EHHADH: variants seen among roughly 807,000 people sequenced by gnomAD.
EHHADH encodes peroxisomal bifunctional enzyme.
Under a neutral mutation model 64.4 loss-of-function variants are expected in EHHADH, and 48 were observed. That is an observed-to-expected ratio of 0.75 (90% CI 0.59 to 0.95). The LOEUF is 0.95. Among genes scored for constraint, EHHADH ranks in the 40% least tolerant of loss-of-function variants. The pLI is 0.00. For missense variants in EHHADH, 854 were observed against 876.6 expected, an observed-to-expected ratio of 0.97 and a Z score of 0.33; for synonymous variants, 308 against 326.7, an observed-to-expected ratio of 0.94 and a Z score of 0.62.
intron 5 of EHHADH, among the ~76,000 whole-genome samples, chr3:185,208,478 T>C (rs1276160580): frequency 6.6e-6 from 1 of 152,252 alleles, no homozygotes; most frequent in South Asian, 2.1e-4. Context: ...TCATTTGTTA[T>C]GCAGTTAGAC....
At chr3:185,228,257 A>AAATATATATATATATAT (rs1367786172) in intron 4 of EHHADH, among the ~76,000 whole-genome samples, 3 of 22,006 alleles carry the variant, frequency 1.4e-4, no homozygotes, top group African/African-American at 3.6e-4. Context: ...AAAAAAAAAA[A>AAATATATATATATATAT]ATATATATAT....
intron 5 of EHHADH, among the ~76,000 whole-genome samples, chr3:185,210,057 G>A (rs1236988409): frequency 6.6e-6 from 1 of 152,186 alleles, no homozygotes; most frequent in African/African-American, 2.4e-5. Context: ...GGACAATGGG[G>A]AGAGGAAGGA....
At position 185,192,748 on chromosome 3, in the gene EHHADH, G is replaced by T. The variant is rs1717935565; in HGVS notation, c.1650C>A (p.Ala550=). The change falls in exon 7 of 7, where the codon GCC becomes GCA. Residue 550 remains alanine (A), a synonymous_variant. Coordinates refer to ENST00000231887, the MANE Select transcript of EHHADH (RefSeq NM_001966.4). The part of the protein sequence containing the change: ...TGPTLLPGTP[A]RKRGNRRYCP... Reference sequence around the variant, plus strand: ...AGTACCTCCTATTACCCCTTTTTCGGGCAGGAGTTCCTGGAAGCAATGTAG... The same window carrying T: ...AGTACCTCCTATTACCCCTTTTTCGTGCAGGAGTTCCTGGAAGCAATGTAG... 3 of 1,613,524 alleles carry T rather than the reference G, an allele frequency of 1.9e-6. No homozygotes were observed. The highest frequency in any genetic ancestry group is 2.5e-6 in the Non-Finnish European group (3 of 1,179,918).
At chr3:185,217,095 G>A (rs981809405) in intron 5 of EHHADH, among the ~76,000 whole-genome samples, 5 of 152,080 alleles carry the variant, frequency 3.3e-5, no homozygotes, top group African/African-American at 9.7e-5. Flanking sequence ...ATGTGTGTCC[G>A]CTCCAAATCT....
Position 185,192,155 on chromosome 3 carries a change from G to C in EHHADH, c.*71C>G, listed in dbSNP as rs935897134. On this transcript the variant is annotated 3_prime_UTR_variant, in exon 7 of 7. Coordinates refer to ENST00000231887, the MANE Select transcript of EHHADH (RefSeq NM_001966.4). ...CAGAACAATCTTACTTTGGATTTTT[G>C]ATTTAATTTCACTGAAATTCAGTCA... 1.4e-6 allele frequency: 2 copies of C among 1,475,026 alleles called. No homozygotes were observed. The highest frequency in any genetic ancestry group is 1.8e-6 in the Non-Finnish European group (2 of 1,093,038). 91.4% of individuals were successfully genotyped at this position (1,475,026 alleles called of 1,614,324 possible). A position where few individuals can be genotyped will look rare whatever the true frequency, so the allele number is the denominator to read the frequency against.
chr3:185,214,160 G>GA (rs1333382860), intron 5 of EHHADH, among the ~76,000 whole-genome samples: 1 of 151,976 alleles, frequency 6.6e-6, no homozygotes, highest in Non-Finnish European at 1.5e-5. Flanking sequence ...ATTTAAAAAA[G>GA]AAAAAACAGT....
chr3:185,193,178 C>T lies in EHHADH; in HGVS notation c.1220G>A (p.Cys407Tyr), dbSNP rs771421278. The change falls in exon 7 of 7, where the codon TGC (cysteine) becomes TAC (tyrosine). Residue 407 changes from cysteine to tyrosine, a missense_variant. Physicochemically the swap from Cys to Tyr is radical, Grantham distance 194. Transcript: ENST00000231887. ...SAVCKPEAFL[C>Y]TNTSALDVDE... ...AACATCCAGGGCTGAAGTATTAGTG[C>T]ACAAAAATGCTTCTGGTTTGCACAC... 1.9e-6 allele frequency: 3 copies of T among 1,612,482 alleles called. No individual in the cohort carries two copies. Among genetic ancestry groups the T allele is most frequent in the Non-Finnish European group, 2.5e-6 (3 of 1,179,496 alleles).
At position 185,193,116 on chromosome 3, in the gene EHHADH, C is replaced by T. The variant is rs1717951591; in HGVS notation, c.1282G>A (p.Val428Ile). Residue 428 changes from valine to isoleucine, a missense_variant, in exon 7 of 7, where the codon GTC becomes ATC. Val to Ile is a conservative substitution (Grantham distance 29). Transcript: ENST00000231887. ...GGCGAAAAGAAGTGGGTGCCAATGACCAAGTGAGGACGATCAGTGGAAGAA... is the reference window on the plus strand; with the variant it reads ...GGCGAAAAGAAGTGGGTGCCAATGATCAAGTGAGGACGATCAGTGGAAGAA... The part of the protein sequence containing the change: ...IASSTDRPHL[V>I]IGTHFFSPAH... The T allele has an allele frequency of 6.2e-7, 1 of 1,613,516 alleles. No individual in the cohort carries two copies. The highest frequency in any genetic ancestry group is 8.5e-7 in the Non-Finnish European group (1 of 1,179,728).
intron 5 of EHHADH, among the ~76,000 whole-genome samples, chr3:185,208,760 T>C (rs745349383): frequency 6.6e-6 from 1 of 152,196 alleles, no homozygotes; most frequent in Non-Finnish European, 1.5e-5. Flanking sequence ...TAGCAAAATC[T>C]GGAAACAATC....
rs761400490 is a variant in EHHADH at position 185,190,793 on chromosome 3, C to T, written c.*1433G>A. 5.3e-5 allele frequency: 8 copies of T among 152,174 alleles called. No individual in the cohort carries two copies. The highest frequency in any genetic ancestry group is 8.8e-5 in the Non-Finnish European group (6 of 68,040). The allele number at this position is 152,174 out of a possible 1,614,324, so 9.4% of individuals were successfully genotyped here. On this transcript the variant is annotated 3_prime_UTR_variant, in exon 7 of 7. Coordinates refer to ENST00000231887, the MANE Select transcript of EHHADH (RefSeq NM_001966.4). ...GCTTTTTAACAACGGAAAACTTATA[C>T]TCCATTCAAGATTTTTCCATCAGAA...
intron 5 of EHHADH, among the ~76,000 whole-genome samples, chr3:185,207,226 G>A (rs1718420418): frequency 6.6e-6 from 1 of 151,812 alleles, no homozygotes; most frequent in South Asian, 2.1e-4. Context: ...AGAGGTTGCA[G>A]TGAGTGAGCC....
chr3:185,226,608 C>T (rs1718980983), intron 4 of EHHADH, among the ~76,000 whole-genome samples: 1 of 148,188 alleles, frequency 6.7e-6, no homozygotes, highest in African/African-American at 2.5e-5. Context: ...AAGATTGTGC[C>T]ACTGCACTCC....
At chr3:185,219,471 A>G (rs139379938) in intron 4 of EHHADH, among the ~76,000 whole-genome samples, 13 of 152,318 alleles carry the variant, frequency 8.5e-5, no homozygotes, top group African/African-American at 3.1e-4. Flanking sequence ...TTAGCATCCA[A>G]TCATGCCATT....
chr3:185,245,520 G>C (rs552775530), intron 2 of EHHADH: 51 of 1,036,772 alleles, frequency 4.9e-5, no homozygotes, highest in Non-Finnish European at 2.3e-5. Context: ...AGCCAGTTTT[G>C]ATACTGGCAA....
chr3:185,247,911 G>A (rs2216386), intron 2 of EHHADH: 101,477 of 152,168 alleles, frequency 0.67, 35,809 homozygotes, highest in Non-Finnish European at 0.79. Context: ...GGTGACTATC[G>A]GAAGAAAAAT....
At chr3:185,240,388 T>C (rs1577374852) in intron 2 of EHHADH, among the ~76,000 whole-genome samples, 1 of 118,030 alleles carries the variant, frequency 8.5e-6, no homozygotes, top group African/African-American at 2.7e-5. Context: ...GCTGTGAATC[T>C]ATCTGGTCTT....
chr3:185,248,247 C>G, intron 2 of EHHADH, 167 bp downstream of exon 2: 2 of 620,100 alleles, frequency 3.2e-6, no homozygotes, highest in Non-Finnish European at 5.8e-6. Flanking sequence ...CTCTGGGTCT[C>G]TCTTGTAATT....
rs1446765010 is a variant in EHHADH at position 185,191,710 on chromosome 3, AG to A, written c.*515del. The A allele has an allele frequency of 6.5e-6, 1 of 154,998 alleles. No individual in the cohort carries two copies. The highest frequency in any genetic ancestry group is 1.4e-5 in the Non-Finnish European group (1 of 70,012). The allele number at this position is 154,998 out of a possible 1,614,324, so 9.6% of individuals were successfully genotyped here. On this transcript the variant is annotated 3_prime_UTR_variant, in exon 7 of 7. Transcript: ENST00000231887. ...AGAAGAGGAAAGACCAGAAGAGGAA[AG>A]GCTTGCCACACTAACCTAAGTTCCC... is the stretch of plus-strand genomic sequence containing the variant.
rs1256390480 is a variant in EHHADH, at chr3:185,191,335, A to G, written c.*891T>C. On this transcript the variant is annotated 3_prime_UTR_variant, in exon 7 of 7. Coordinates refer to ENST00000231887, the MANE Select transcript of EHHADH (RefSeq NM_001966.4). ...ATTTGGTTTATCTATTCATTAGTTC[A>G]TAGACATTTGGGTTGTATTCAGCTT... 2.0e-5 allele frequency: 3 copies of G among 152,168 alleles called. No individual in the cohort carries two copies. Among genetic ancestry groups the G allele is most frequent in the Non-Finnish European group, 4.4e-5 (3 of 68,044 alleles). 9.4% of individuals were successfully genotyped at this position (152,168 alleles called of 1,614,324 possible). A position where few individuals can be genotyped will look rare whatever the true frequency, so the allele number is the denominator to read the frequency against.
Sources: allele counts gnomAD v4.1 joint callset (sites outside exome capture counted in the v4.1 genomes callset), GRCh38; gene constraint gnomAD v4.1.1; transcripts MANE v1.5; gene names NCBI Gene and HGNC (gene_info 2026-07-23, HGNC 2026-07-21).